Variants in ARHGAP10 observed in about 807,000 individuals in gnomAD.
ARHGAP10 encodes rho GTPase-activating protein 10.
In ARHGAP10, 87 loss-of-function variants were observed where a neutral mutation model predicts 108.6. The ratio of observed to expected loss-of-function variants is 0.80; its 90% CI spans 0.67 to 0.96. ARHGAP10 has a LOEUF of 0.96. Among genes scored for constraint, ARHGAP10 ranks in the 40% least tolerant of loss-of-function variants. ARHGAP10 has a pLI of 0.00. For synonymous variants in ARHGAP10, 347 were observed against 341.1 expected (o/e 1.02, Z -0.19); for missense variants, 939 against 954.5 (o/e 0.98, Z 0.21).
chr4:147,971,072 G>A (rs1454417435), intron 18 of ARHGAP10, among the ~76,000 whole-genome samples: 1 of 130,478 alleles, frequency 7.7e-6, no homozygotes, highest in Admixed American at 9.2e-5. Context: ...CAGCCTGGGT[G>A]ACAAGAGCGA....
chr4:147,995,217 A>G (rs1360578901), intron 18 of ARHGAP10, among the ~76,000 whole-genome samples: 3 of 152,362 alleles, frequency 2.0e-5, no homozygotes, highest in African/African-American at 7.2e-5. Flanking sequence ...GTCAGTGATA[A>G]CCAGTTTTTA....
At chr4:147,913,182 T>G in intron 13 of ARHGAP10, 43 bp downstream of exon 13, 1 of 1,559,126 alleles carries the variant, frequency 6.4e-7, no homozygotes, top group Non-Finnish European at 8.8e-7. Flanking sequence ...GCTATAGGTA[T>G]GTAAAATCTA....
chr4:147,994,119 G>A (rs1382803778), intron 18 of ARHGAP10, among the ~76,000 whole-genome samples: 2 of 152,128 alleles, frequency 1.3e-5, no homozygotes, highest in African/African-American at 2.4e-5. Context: ...GTTCCTTGTG[G>A]TCTTTCTACT....
chr4:147,936,609 G>A (rs951275277), intron 13 of ARHGAP10, among the ~76,000 whole-genome samples: 5 of 152,040 alleles, frequency 3.3e-5, no homozygotes, highest in East Asian at 1.9e-4. Flanking sequence ...GATTACAGGC[G>A]TGAGCCACCG....
At chr4:147,873,084 G>T (rs1460390700) in intron 7 of ARHGAP10, among the ~76,000 whole-genome samples, 3 of 152,056 alleles carry the variant, frequency 2.0e-5, no homozygotes, top group Non-Finnish European at 2.9e-5. Context: ...CTGCTGAGAA[G>T]TCCTTAGCTG....
chr4:148,016,825 G>A (rs1229906241), intron 18 of ARHGAP10, among the ~76,000 whole-genome samples: 3 of 151,996 alleles, frequency 2.0e-5, no homozygotes, highest in African/African-American at 7.3e-5. Context: ...CCCCTGCTTT[G>A]GTTTTGATTA....
At chr4:148,054,431 C>T (rs1729276243) in intron 20 of ARHGAP10, among the ~76,000 whole-genome samples, 1 of 152,242 alleles carries the variant, frequency 6.6e-6, no homozygotes, top group South Asian at 2.1e-4. Context: ...CACTGCTCCC[C>T]TGAGAGCTCG....
intron 1 of ARHGAP10, among the ~76,000 whole-genome samples, chr4:147,767,580 A>G (rs1729889444): frequency 1.3e-5 from 2 of 152,256 alleles, no homozygotes; most frequent in South Asian, 2.1e-4. Flanking sequence ...AAATCTAGGC[A>G]TAAGTGTGCA....
chr4:148,050,365 CTTTTTTTTTT>C (rs11309245), intron 20 of ARHGAP10, among the ~76,000 whole-genome samples: 858 of 59,340 alleles, frequency 0.014, 12 homozygotes, highest in Non-Finnish European at 0.022. Flanking sequence ...TCATCATCAT[CTTTTTTTTTT>C]TTTTTTTTTT....
chr4:148,050,657 G>C (rs1258001713), intron 20 of ARHGAP10, among the ~76,000 whole-genome samples: 3 of 152,024 alleles, frequency 2.0e-5, no homozygotes, highest in Non-Finnish European at 2.9e-5. Context: ...ACAGGTGTGA[G>C]CCACCGTGCC....
At chr4:147,784,207 T>A (rs62642441) in intron 1 of ARHGAP10, among the ~76,000 whole-genome samples, 6 of 101,056 alleles carry the variant, frequency 5.9e-5, no homozygotes, top group Admixed American at 1.3e-4. Flanking sequence ...GTATTATATA[T>A]TTTACATAAC....
At chr4:148,053,488 G>T (rs951403135) in intron 20 of ARHGAP10, among the ~76,000 whole-genome samples, 2 of 152,156 alleles carry the variant, frequency 1.3e-5, no homozygotes, top group Non-Finnish European at 2.9e-5. Context: ...GGGCGGGAGG[G>T]CCTTCTCCCC....
At chr4:147,789,420 G>T (rs547715671) in intron 1 of ARHGAP10, among the ~76,000 whole-genome samples, 1 of 152,276 alleles carries the variant, frequency 6.6e-6, no homozygotes, top group Admixed American at 6.5e-5. Flanking sequence ...CTCCTGGGTA[G>T]CTCGTATTAC....
intron 18 of ARHGAP10, among the ~76,000 whole-genome samples, chr4:147,976,105 G>A (rs772645001): frequency 3.3e-5 from 5 of 152,122 alleles, no homozygotes; most frequent in Non-Finnish European, 7.3e-5. Flanking sequence ...TCCCTCTTCC[G>A]TAGGTTGGTC....
In ARHGAP10 at chr4:147,732,453, A is replaced by G. The variant is rs1265644687; in HGVS notation, c.152A>G (p.Lys51Arg). 1 of 1,610,838 alleles carries G rather than the reference A, an allele frequency of 6.2e-7. No individual in the cohort carries two copies. The highest frequency in any genetic ancestry group is 8.5e-7 in the Non-Finnish European group (1 of 1,178,368). Residue 51 changes from lysine (K) to arginine (R), a missense_variant and splice_region_variant, in exon 1 of 23, where the codon AAA (lysine) becomes AGA (arginine). Physicochemically the swap from Lys to Arg is conservative, Grantham distance 26. Transcript: ENST00000336498. ...KDGKNLIAATKSLSVAQRKFA... is the reference protein window; with the variant it reads ...KDGKNLIAATRSLSVAQRKFA... ...GGGAAGAACCTCATCGCTGCGACGA[A>G]AAGTAAGCGGGGACGCGGGCGCGGA...
intron 1 of ARHGAP10, among the ~76,000 whole-genome samples, chr4:147,789,992 T>C (rs921174617): frequency 2.7e-5 from 3 of 112,552 alleles, no homozygotes; most frequent in African/African-American, 1.4e-4. Context: ...GGTGTGTGGA[T>C]TTTTTTTTTT....
chr4:147,917,678 A>G (rs536135651), intron 13 of ARHGAP10, among the ~76,000 whole-genome samples: 53 of 152,368 alleles, frequency 3.5e-4, no homozygotes, highest in African/African-American at 1.2e-3. Flanking sequence ...ATTAGGTTGT[A>G]TATTTTATAG....
intron 20 of ARHGAP10, among the ~76,000 whole-genome samples, chr4:148,058,766 A>G (rs547127627): frequency 2.6e-5 from 4 of 152,366 alleles, no homozygotes; most frequent in South Asian, 2.1e-4. Flanking sequence ...CCACATATAC[A>G]GCACTGTCAT....
At chr4:147,999,960 G>A (rs1180393263) in intron 18 of ARHGAP10, among the ~76,000 whole-genome samples, 2 of 151,274 alleles carry the variant, frequency 1.3e-5, no homozygotes, top group African/African-American at 4.9e-5. Context: ...CTTTAGTAGG[G>A]TACATGTGCA....
Sources: gnomAD v4.1 joint callset for allele counts (sites outside exome capture counted in the v4.1 genomes callset) on GRCh38, gnomAD v4.1.1 for gene constraint, MANE v1.5 for transcripts, NCBI Gene and HGNC (gene_info 2026-07-23, HGNC 2026-07-21) for gene names.